Variants in RFX3 observed in about 807,000 individuals in gnomAD.
RFX3 encodes the protein regulatory factor X3.
A neutral mutation model predicts 98.6 loss-of-function variants in RFX3; 14 were observed. The ratio of observed to expected loss-of-function variants is 0.14; its 90% CI spans 0.09 to 0.22. The LOEUF (loss-of-function observed/expected upper bound fraction) is 0.22, where lower values mean the gene tolerates loss of function less well. Among genes scored for constraint, RFX3 ranks in the 10% least tolerant of loss-of-function variants. The probability of loss-of-function intolerance (pLI) is 1.00; values close to 1 mark genes in which losing one functional copy is unlikely to be tolerated. For synonymous variants in RFX3, 383 were observed against 328.4 expected (o/e 1.17, Z -1.80); for missense variants, 639 against 926.9 (o/e 0.69, Z 4.03).
chr9:3,509,171 C>G (rs953015170), intron 1 of RFX3, among the ~76,000 whole-genome samples: 5 of 151,992 alleles, frequency 3.3e-5, no homozygotes, highest in African/African-American at 4.8e-5. Flanking sequence ...AAAGGGCAGT[C>G]CGTTCATATA....
rs1850637593 is a variant in RFX3 at position 3,490,374 on chromosome 9, T to C, written c.-9+35373A>G. The C allele has an allele frequency of 4.4e-6, 4 of 908,548 alleles. No homozygotes were observed. In the South Asian group the frequency reaches 1.5e-4, roughly 35 times the overall value. The allele number at this position is 908,548 out of a possible 1,614,324, so 56.3% of individuals were successfully genotyped here. ...AAATATTAAAAGCAAGAACAATTAG[T>C]TCACATTAAAAATGAATTTTTTGAT... On this transcript the variant is annotated intron_variant, in intron 1 of 16. Coordinates refer to ENST00000617270, the MANE Select transcript of RFX3 (RefSeq NM_001282116.2).
intron 1 of RFX3, among the ~76,000 whole-genome samples, chr9:3,465,020 A>T (rs568636274): frequency 1.3e-5 from 2 of 152,322 alleles, no homozygotes; most frequent in East Asian, 3.9e-4. Context: ...AACAATATTG[A>T]TATATAAGGA....
chr9:3,226,752 A>C (rs562748917), intron 16 of RFX3, among the ~76,000 whole-genome samples: 2 of 152,266 alleles, frequency 1.3e-5, no homozygotes, highest in South Asian at 4.2e-4. Flanking sequence ...TATACTTGAA[A>C]CATGTTTGCA....
chr9:3,352,467 T>A (rs1587257821), intron 2 of RFX3, among the ~76,000 whole-genome samples: 1 of 152,030 alleles, frequency 6.6e-6, no homozygotes, highest in Non-Finnish European at 1.5e-5. Context: ...ATATATTACA[T>A]ACATATTAAA....
At chr9:3,274,351 T>C (rs1197158227) in intron 9 of RFX3, among the ~76,000 whole-genome samples, 1 of 152,212 alleles carries the variant, frequency 6.6e-6, no homozygotes, top group African/African-American at 2.4e-5. Flanking sequence ...TATCTTTTAC[T>C]CCTAAGTAGA....
intron 2 of RFX3, among the ~76,000 whole-genome samples, chr9:3,363,802 C>G (rs910047208): frequency 1.3e-5 from 2 of 152,144 alleles, no homozygotes; most frequent in African/African-American, 4.8e-5. Flanking sequence ...CAGTGTTTCC[C>G]CAAATATGGG....
At chr9:3,328,081 G>A (rs959914586) in intron 4 of RFX3, among the ~76,000 whole-genome samples, 1 of 152,142 alleles carries the variant, frequency 6.6e-6, no homozygotes, top group African/African-American at 2.4e-5. Context: ...CCTAGAAGAG[G>A]TGAGGTAGGA....
intron 1 of RFX3, among the ~76,000 whole-genome samples, chr9:3,423,811 A>ATATATATATATC (rs1292059587): frequency 2.3e-5 from 3 of 132,388 alleles, no homozygotes; most frequent in South Asian, 2.4e-4. Context: ...ATATATATAT[A>ATATATATATATC]TCTTAAGGTA....
chr9:3,282,108 G>T (rs1204863313), intron 7 of RFX3, among the ~76,000 whole-genome samples: 3 of 151,732 alleles, frequency 2.0e-5, no homozygotes, highest in Non-Finnish European at 4.4e-5. Flanking sequence ...CAGGAGGCTA[G>T]AATTTTCTAC....
At chr9:3,481,909 A>C (rs570427263) in intron 1 of RFX3, among the ~76,000 whole-genome samples, 4 of 152,270 alleles carry the variant, frequency 2.6e-5, no homozygotes, top group African/African-American at 7.2e-5. Flanking sequence ...TGTCAGAGTA[A>C]ACAAAGAAAC....
chr9:3,400,151 G>A, intron 1 of RFX3: 7 of 566,156 alleles, frequency 1.2e-5, no homozygotes, highest in Non-Finnish European at 1.6e-5. Flanking sequence ...TGAGTTAACT[G>A]AGGCCCAGAG....
chr9:3,468,255 G>GT (rs1166132323), intron 1 of RFX3, among the ~76,000 whole-genome samples: 4 of 152,134 alleles, frequency 2.6e-5, no homozygotes, highest in African/African-American at 7.2e-5. Context: ...TCTAAAATTT[G>GT]TAAGTATCAT....
rs545020958 is a variant in RFX3 at position 3,272,363 on chromosome 9, A to G, written c.1087-1245T>C. On this transcript the variant is annotated intron_variant, in intron 9 of 16. Coordinates refer to ENST00000617270, the MANE Select transcript of RFX3 (RefSeq NM_001282116.2). ...GTATTGTAGGCAAAAACAACAAACC[A>G]TAACTTCATATTTGTTGAGTTTGGG... 1.6e-4 allele frequency among the ~76,000 whole-genome samples: 24 copies of G among 152,324 alleles called. 1 individual carries two copies. Among genetic ancestry groups the G allele is most frequent in the Admixed American group, 2.6e-4 (4 of 15,294 alleles).
At chr9:3,403,830 AAC>A (rs1841705209) in intron 1 of RFX3, among the ~76,000 whole-genome samples, 2 of 152,200 alleles carry the variant, frequency 1.3e-5, no homozygotes, top group Non-Finnish European at 1.5e-5. Context: ...TACTGCACCA[AAC>A]AGAGTTTCCT....
intron 1 of RFX3, among the ~76,000 whole-genome samples, chr9:3,415,061 C>G (rs866311265): frequency 7.8e-6 from 1 of 128,646 alleles, no homozygotes; most frequent in Non-Finnish European, 1.6e-5. Flanking sequence ...TATATATACT[C>G]ATATATAAGT....
At chr9:3,463,256 T>C (rs1258460296) in intron 1 of RFX3, among the ~76,000 whole-genome samples, 1 of 152,112 alleles carries the variant, frequency 6.6e-6, no homozygotes, top group African/African-American at 2.4e-5. Flanking sequence ...ATGAAAACGC[T>C]AAGGTAATTA....
chr9:3,290,842 C>T (rs1049852403), intron 6 of RFX3, among the ~76,000 whole-genome samples: 3 of 152,094 alleles, frequency 2.0e-5, no homozygotes, highest in African/African-American at 2.4e-5. Context: ...TTAGGACATG[C>T]TATCCCAAAC....
At chr9:3,475,119 A>G (rs1294349602) in intron 1 of RFX3, among the ~76,000 whole-genome samples, 1 of 151,428 alleles carries the variant, frequency 6.6e-6, no homozygotes, top group Middle Eastern at 3.4e-3. Context: ...AAAAAGAAAG[A>G]AAAAGAAAAA....
Position 3,223,580 on chromosome 9 carries a change from T to C in RFX3, c.*1462A>G, listed in dbSNP as rs1817475107. On this transcript the variant is annotated 3_prime_UTR_variant, in exon 17 of 17. Transcript: ENST00000617270. Reference sequence around the variant, plus strand: ...CACCCTTAAGCAATCTGATTTGTAATCAAGTAATATTCAGCTCTAAGAATA... The same window carrying C: ...CACCCTTAAGCAATCTGATTTGTAACCAAGTAATATTCAGCTCTAAGAATA... The C allele has an allele frequency of 6.6e-6, 1 of 152,238 alleles. No individual in the cohort carries two copies. The highest frequency in any genetic ancestry group is 6.5e-5 in the Admixed American group (1 of 15,284). 9.4% of individuals were successfully genotyped at this position (152,238 alleles called of 1,614,324 possible).
Sources: gnomAD v4.1 joint callset for allele counts (sites outside exome capture counted in the v4.1 genomes callset) on GRCh38, gnomAD v4.1.1 for gene constraint, MANE v1.5 for transcripts, NCBI Gene and HGNC (gene_info 2026-07-23, HGNC 2026-07-21) for gene names.